EXT2: variants seen among roughly 807,000 people sequenced by gnomAD.
EXT2 encodes exostosin glycosyltransferase 2, also known as exostosin-2.
A neutral mutation model predicts 81.6 loss-of-function variants in EXT2; 53 were observed. That is an observed-to-expected ratio of 0.65 (90% CI 0.52 to 0.82). The LOEUF (loss-of-function observed/expected upper bound fraction) is 0.82, where lower values mean the gene tolerates loss of function less well. Among genes scored for constraint, EXT2 ranks in the 40% least tolerant of loss-of-function variants. EXT2 has a pLI of 0.00. For missense variants in EXT2, 774 were observed against 910.2 expected (o/e 0.85, Z 1.93); for synonymous variants, 320 against 340.0 (o/e 0.94, Z 0.65).
At chr11:44,237,930 A>AC (rs1955988871) in intron 13 of EXT2, among the ~76,000 whole-genome samples, 1 of 147,876 alleles carries the variant, frequency 6.8e-6, no homozygotes, top group African/African-American at 2.5e-5. Context: ...AAAAAAAAAA[A>AC]CATACAAAGT....
intron 7 of EXT2, among the ~76,000 whole-genome samples, chr11:44,147,714 C>T (rs1954738047): frequency 1.2e-5 from 1 of 85,524 alleles, no homozygotes; most frequent in Non-Finnish European, 2.4e-5. Context: ...GCGCCTGCCA[C>T]CACCCCCAGC....
chr11:44,110,432 T>C (rs1255854593), intron 3 of EXT2, among the ~76,000 whole-genome samples: 1 of 152,208 alleles, frequency 6.6e-6, no homozygotes, highest in African/African-American at 2.4e-5. Flanking sequence ...AGGAAGTGGC[T>C]GAACACAGGG....
At chr11:44,175,420 G>A (rs752952469) in intron 8 of EXT2, among the ~76,000 whole-genome samples, 5 of 145,460 alleles carry the variant, frequency 3.4e-5, no homozygotes, top group Non-Finnish European at 7.5e-5. Flanking sequence ...CTCTTTCAAA[G>A]AGTTCTAGAT....
At chr11:44,161,547 T>A (rs1954928420) in intron 7 of EXT2, among the ~76,000 whole-genome samples, 1 of 152,110 alleles carries the variant, frequency 6.6e-6, no homozygotes, top group African/African-American at 2.4e-5. Context: ...AATTTCATAG[T>A]TTTTAATCCT....
At chr11:44,235,821 A>G (rs1955956945) in intron 12 of EXT2, among the ~76,000 whole-genome samples, 1 of 152,190 alleles carries the variant, frequency 6.6e-6, no homozygotes, top group Non-Finnish European at 1.5e-5. Flanking sequence ...TTCTTGACTC[A>G]AGGGAATTGC....
chr11:44,109,186 C>T lies in EXT2; in HGVS notation c.537-8C>T. 6.2e-7 allele frequency: 1 copy of T among 1,613,764 alleles called. No homozygotes were observed. The highest frequency in any genetic ancestry group is 8.5e-7 in the Non-Finnish European group (1 of 1,179,746). ...ATTAATTCTCCTACATTTTAAATTT[C>T]TTGACAGGTGGGATCGAGGTACGAA... is the stretch of plus-strand genomic sequence containing the variant. On this transcript the variant is annotated splice_polypyrimidine_tract_variant and splice_region_variant and intron_variant, in intron 2 of 13. Transcript: ENST00000533608.
intron 8 of EXT2, among the ~76,000 whole-genome samples, chr11:44,190,347 G>A (rs7121957): frequency 6.6e-6 from 1 of 152,098 alleles, no homozygotes; most frequent in Non-Finnish European, 1.5e-5. Context: ...TTGAGGTAAG[G>A]GTTGATAACT....
chr11:44,243,618 C>CTTTTTTT (rs1215047805), intron 13 of EXT2, among the ~76,000 whole-genome samples: 19 of 72,886 alleles, frequency 2.6e-4, no homozygotes, highest in East Asian at 5.3e-4. Context: ...GCCCTGTCAC[C>CTTTTTTT]TTTTTTTTTT....
chr11:44,110,607 T>A (rs1954129348), intron 3 of EXT2, among the ~76,000 whole-genome samples: 1 of 152,108 alleles, frequency 6.6e-6, no homozygotes. Flanking sequence ...CAGTTCTGGA[T>A]TTTTTTTCAG....
rs1955806047 is a variant in EXT2, at chr11:44,223,666, T to G, written c.1663-8687T>G. Among the ~76,000 whole-genome samples the G allele has an allele frequency of 2.6e-5, 4 of 150,974 alleles. No homozygotes were observed. The South Asian group carries it at 6.3e-4, about 24-fold the overall frequency. On this transcript the variant is annotated intron_variant, in intron 10 of 13. Coordinates refer to ENST00000533608, the MANE Select transcript of EXT2 (RefSeq NM_207122.2). ...AGTTGTGTGTCTTTTTTTTTTTTTTTTGTGACGGAGTCTCGCTCTGTCGCC... is the reference window on the plus strand; with the variant it reads ...AGTTGTGTGTCTTTTTTTTTTTTTTGTGTGACGGAGTCTCGCTCTGTCGCC...
At chr11:44,113,271 T>TATC (rs1267333900) in intron 3 of EXT2, among the ~76,000 whole-genome samples, 1 of 152,132 alleles carries the variant, frequency 6.6e-6, no homozygotes, top group Non-Finnish European at 1.5e-5. Context: ...GGGAGGGGAT[T>TATC]GGTAGCAATC....
intron 10 of EXT2, among the ~76,000 whole-genome samples, chr11:44,230,646 A>T (rs1955887787): frequency 6.6e-6 from 1 of 152,192 alleles, no homozygotes; most frequent in African/African-American, 2.4e-5. Context: ...TCTACAAGCC[A>T]GGCAATGCCA....
intron 7 of EXT2, among the ~76,000 whole-genome samples, chr11:44,135,531 A>T (rs972096259): frequency 4.0e-5 from 6 of 151,730 alleles, no homozygotes; most frequent in Non-Finnish European, 8.8e-5. Flanking sequence ...AGTTGGGATT[A>T]TAGGCATACG....
intron 10 of EXT2, among the ~76,000 whole-genome samples, chr11:44,212,161 T>C (rs1019929187): frequency 5.3e-5 from 8 of 151,924 alleles, no homozygotes; most frequent in African/African-American, 1.9e-4. Flanking sequence ...GATATGAGCC[T>C]GTAATCCCAG....
intron 8 of EXT2, among the ~76,000 whole-genome samples, chr11:44,186,506 C>T (rs937658168): frequency 4.6e-5 from 7 of 152,194 alleles, no homozygotes; most frequent in Non-Finnish European, 1.5e-5. Flanking sequence ...GAAAAGCAAT[C>T]AGTGGCAACC....
intron 8 of EXT2, among the ~76,000 whole-genome samples, chr11:44,178,679 A>G (rs1955192122): frequency 6.6e-6 from 1 of 152,222 alleles, no homozygotes; most frequent in South Asian, 2.1e-4. Context: ...CAGTCTGTGT[A>G]ACTCAACTCA....
At chr11:44,166,735 C>T (rs1954999531) in intron 7 of EXT2, among the ~76,000 whole-genome samples, 1 of 152,164 alleles carries the variant, frequency 6.6e-6, no homozygotes, top group African/African-American at 2.4e-5. Flanking sequence ...CATGTTCACT[C>T]CCTTGCATAA....
intron 7 of EXT2, among the ~76,000 whole-genome samples, chr11:44,158,883 C>A (rs1590605881): frequency 1.3e-5 from 2 of 151,938 alleles, no homozygotes; most frequent in Middle Eastern, 3.4e-3. Context: ...GTTTTTTTCT[C>A]TCAACACTTT....
At chr11:44,143,050 C>T (rs149885660) in intron 7 of EXT2, among the ~76,000 whole-genome samples, 2,670 of 152,328 alleles carry the variant, frequency 0.018, 75 homozygotes, top group African/African-American at 0.06. Flanking sequence ...CTCCCAGGTT[C>T]GAGCGATTCT....
Sources: gnomAD v4.1 joint callset for allele counts (sites outside exome capture counted in the v4.1 genomes callset) on GRCh38, gnomAD v4.1.1 for gene constraint, MANE v1.5 for transcripts, NCBI Gene and HGNC (gene_info 2026-07-23, HGNC 2026-07-21) for gene names.